ADGB: variants seen among roughly 807,000 people sequenced by gnomAD.
ADGB encodes calpain-7-like protein.
Under a neutral mutation model 210.5 loss-of-function variants are expected in ADGB, and 172 were observed. The ratio of observed to expected loss-of-function variants is 0.82; its 90% CI spans 0.72 to 0.93. The LOEUF (loss-of-function observed/expected upper bound fraction) is 0.93. Ranked by LOEUF, ADGB falls within the 40% of genes least tolerant of loss-of-function variation. The pLI, the probability that ADGB is intolerant of heterozygous loss-of-function variation, is 0.00. For missense variants in ADGB, 2,025 were observed against 1,964.8 expected, an observed-to-expected ratio of 1.03 and a Z score of -0.58; for synonymous variants, 658 against 662.7, an observed-to-expected ratio of 0.99 and a Z score of 0.11.
intron 1 of ADGB, among the ~76,000 whole-genome samples, chr6:146,605,461 T>G (rs1248719144): frequency 1.3e-5 from 2 of 152,182 alleles, no homozygotes; most frequent in African/African-American, 4.8e-5. Flanking sequence ...TAAGATTCAG[T>G]GACAGATTTC....
chr6:146,700,880 A>G, intron 12 of ADGB, 61 bp from the exon 13 acceptor site: 2 of 1,502,236 alleles, frequency 1.3e-6, no homozygotes, highest in Non-Finnish European at 8.9e-7. Flanking sequence ...GCAGTTATTT[A>G]TTAATAACTT....
intron 27 of ADGB, among the ~76,000 whole-genome samples, chr6:146,763,270 C>A (rs1244671774): frequency 6.6e-6 from 1 of 152,094 alleles, no homozygotes. Context: ...CCATTTTTAT[C>A]ATTTTTTGTG....
At chr6:146,729,938 C>T (rs1011404722) in intron 20 of ADGB, among the ~76,000 whole-genome samples, 1 of 152,156 alleles carries the variant, frequency 6.6e-6, no homozygotes, top group African/African-American at 2.4e-5. Context: ...CCTTTAAACA[C>T]CTGTAGATTC....
chr6:146,675,478 GA>G (rs919320229), intron 8 of ADGB, among the ~76,000 whole-genome samples: 18 of 140,942 alleles, frequency 1.3e-4, no homozygotes, highest in African/African-American at 2.6e-4. Flanking sequence ...CTGTCAAAAA[GA>G]AAAAAAAAAG....
At chr6:146,621,459 A>G (rs1461671420) in intron 1 of ADGB, among the ~76,000 whole-genome samples, 1 of 152,120 alleles carries the variant, frequency 6.6e-6, no homozygotes, top group Non-Finnish European at 1.5e-5. Flanking sequence ...CCAAAAGGTG[A>G]GGAGATTGAC....
intron 5 of ADGB, among the ~76,000 whole-genome samples, chr6:146,658,537 A>G (rs1469809627): frequency 6.6e-6 from 1 of 152,162 alleles, no homozygotes; most frequent in African/African-American, 2.4e-5. Flanking sequence ...TGAAACATTG[A>G]ACCAACCCTG....
At position 146,799,913 on chromosome 6, in the gene ADGB, G is replaced by A. The variant is rs150228841; in HGVS notation, c.4538-1270G>A. 8.3e-3 allele frequency among the ~76,000 whole-genome samples: 1,257 copies of A among 151,984 alleles called. 14 individuals carry two copies. Among genetic ancestry groups the A allele is most frequent in the African/African-American group, 0.029 (1,204 of 41,458 alleles). ...CAACTTCTGCCGCCCGGGTTCAAGC[G>A]ATTCTCCTGCCTCAGCCTCCCGAGT... On this transcript the variant is annotated intron_variant, in intron 33 of 35. Coordinates refer to ENST00000397944, the MANE Select transcript of ADGB (RefSeq NM_024694.4).
intron 5 of ADGB, among the ~76,000 whole-genome samples, chr6:146,659,938 A>G (rs1775832436): frequency 6.6e-6 from 1 of 152,196 alleles, no homozygotes; most frequent in Non-Finnish European, 1.5e-5. Context: ...CACACACATT[A>G]GGACCAATAA....
At position 146,685,832 on chromosome 6, in the gene ADGB, A is replaced by G. The variant is rs893584234; in HGVS notation, c.1311+4A>G. 36 of 1,507,388 alleles carry G rather than the reference A, an allele frequency of 2.4e-5. No homozygotes were observed. Among genetic ancestry groups the G allele is most frequent in the Admixed American group, 1.1e-4 (5 of 47,342 alleles). The allele number at this position is 1,507,388 out of a possible 1,614,324, so 93.4% of individuals were successfully genotyped here. A position where few individuals can be genotyped will look rare whatever the true frequency, so the allele number is the denominator to read the frequency against. On this transcript the variant is annotated splice_donor_region_variant and intron_variant, in intron 10 of 35. Transcript: ENST00000397944. Reference sequence around the variant, plus strand: ...GATCTTTTCATTAGAGAAGATGGTAAGCATTCAAGCTTAGGAAACAGTATT... The same window carrying G: ...GATCTTTTCATTAGAGAAGATGGTAGGCATTCAAGCTTAGGAAACAGTATT...
At position 146,621,149 on chromosome 6, in the gene ADGB, G is replaced by C. The variant is rs540894195; in HGVS notation, c.75-14226G>C. 2.0e-5 allele frequency among the ~76,000 whole-genome samples: 3 copies of C among 152,204 alleles called. No homozygotes were observed. In the East Asian group the frequency reaches 5.8e-4, roughly 29 times the overall value. On this transcript the variant is annotated intron_variant, in intron 1 of 35. Transcript: ENST00000397944. ...ATTGCATCCCTGCCATTGTTTTCTG[G>C]TCTTGGGAAGACTTAAGTTGGCACT...
At chr6:146,699,316 T>A (rs1776454420) in intron 12 of ADGB, among the ~76,000 whole-genome samples, 1 of 152,066 alleles carries the variant, frequency 6.6e-6, no homozygotes. Flanking sequence ...ATGGTGTAAC[T>A]CTCAGTCTGA....
At chr6:146,700,353 G>GA (rs1414282599) in intron 12 of ADGB, among the ~76,000 whole-genome samples, 1 of 152,082 alleles carries the variant, frequency 6.6e-6, no homozygotes, top group Non-Finnish European at 1.5e-5. Flanking sequence ...TCACTAACTG[G>GA]AAAAAATATC....
chr6:146,662,626 C>T (rs564775344), intron 5 of ADGB, among the ~76,000 whole-genome samples: 16 of 151,798 alleles, frequency 1.1e-4, no homozygotes, highest in African/African-American at 2.9e-4. Context: ...TGTGGCCTGT[C>T]GACTGTATTT....
chr6:146,666,630 T>A (rs886287711), intron 6 of ADGB, among the ~76,000 whole-genome samples, 186 bp from the exon 7 acceptor site: 2 of 152,036 alleles, frequency 1.3e-5, no homozygotes, highest in African/African-American at 4.8e-5. Flanking sequence ...CAAATGAAAT[T>A]AATTATATTA....
chr6:146,757,948 T>G (rs1777432838), intron 27 of ADGB, among the ~76,000 whole-genome samples: 1 of 152,014 alleles, frequency 6.6e-6, no homozygotes, highest in African/African-American at 2.4e-5. Flanking sequence ...GATGATATAA[T>G]TAGGGCACAA....
chr6:146,714,620 G>A (rs925504611), intron 13 of ADGB, among the ~76,000 whole-genome samples: 3 of 152,160 alleles, frequency 2.0e-5, no homozygotes, highest in Non-Finnish European at 2.9e-5. Context: ...AAAGATTAGG[G>A]AGAAGAAGTG....
In ADGB at chr6:146,635,492, C is replaced by A. The variant is rs1775404605; in HGVS notation, c.192C>A (p.Gly64=). Reference sequence around the variant, plus strand: ...TAAATTCAGAAAAGTGGGATGCAGGCAAAGGTGCAAAAGAAAAGGACAAAA... The same window carrying A: ...TAAATTCAGAAAAGTGGGATGCAGGAAAAGGTGCAAAAGAAAAGGACAAAA... ...ADINSEKWDA[G]KGAKEKDKTG... is the part of the protein sequence containing the mutation. Residue 64 remains glycine, a synonymous_variant, in exon 2 of 36, where the codon GGC becomes GGA. Transcript: ENST00000397944. 11 of 1,547,194 alleles carry A rather than the reference C, an allele frequency of 7.1e-6. No homozygotes were observed. Among genetic ancestry groups the A allele is most frequent in the South Asian group, 4.8e-5 (4 of 83,524 alleles).
intron 30 of ADGB, among the ~76,000 whole-genome samples, chr6:146,782,608 CAA>C (rs3065932): frequency 0.027 from 4,095 of 152,134 alleles, 182 homozygotes; most frequent in African/African-American, 0.092. Flanking sequence ...AGTTAATAAG[CAA>C]AGACGTGATG....
chr6:146,810,301 G>A (rs1778285403), intron 35 of ADGB, among the ~76,000 whole-genome samples: 1 of 152,178 alleles, frequency 6.6e-6, no homozygotes, highest in Non-Finnish European at 1.5e-5. Flanking sequence ...AAAGACAAGA[G>A]ATAAGTGTTG....
Sources: allele counts gnomAD v4.1 joint callset (sites outside exome capture counted in the v4.1 genomes callset), GRCh38; gene constraint gnomAD v4.1.1; transcripts MANE v1.5; gene names NCBI Gene and HGNC (gene_info 2026-07-23, HGNC 2026-07-21).